The following ZNF248 variants were observed in gnomAD, a reference collection of about 807,000 sequenced individuals.
ZNF248 encodes the protein zinc finger protein 248, also known as KRAB protein domain.
A neutral mutation model predicts 44.3 loss-of-function variants in ZNF248; 20 were observed. The ratio of observed to expected loss-of-function variants is 0.45; its 90% CI spans 0.32 to 0.66. The LOEUF is 0.66. Ranked by LOEUF, ZNF248 falls within the 30% of genes least tolerant of loss-of-function variation. The pLI, the probability that ZNF248 is intolerant of heterozygous loss-of-function variation, is 0.04. For missense variants in ZNF248, 654 were observed against 677.0 expected, an observed-to-expected ratio of 0.97 and a Z score of 0.38; for synonymous variants, 224 against 229.0, an observed-to-expected ratio of 0.98 and a Z score of 0.20.
intron 6 of ZNF248, chr10:37,820,603 T>A (rs2053307574): frequency 6.3e-7 from 1 of 1,587,448 alleles, no homozygotes; most frequent in Non-Finnish European, 8.6e-7. Context: ...TAATTTTACG[T>A]CCCCCAGCAG....
chr10:37,817,432 T>A (rs1057130648), intron 6 of ZNF248, among the ~76,000 whole-genome samples: 3 of 152,058 alleles, frequency 2.0e-5, no homozygotes, highest in Non-Finnish European at 4.4e-5. Flanking sequence ...GTATTCAAAT[T>A]GTGAAGAAAT....
chr10:37,832,068 T>C lies in ZNF248; in HGVS notation c.1287A>G (p.Thr429=), dbSNP rs770510984. 4 of 1,613,822 alleles carry C rather than the reference T, an allele frequency of 2.5e-6. No individual in the cohort carries two copies. The highest frequency in any genetic ancestry group is 1.3e-5 in the African/African-American group (1 of 74,888). The change falls in exon 6 of 6, where the codon ACA becomes ACG. Residue 429 remains threonine, a synonymous_variant. Coordinates refer to ENST00000395867, the MANE Select transcript of ZNF248 (RefSeq NM_021045.3). The stretch of plus-strand genomic sequence containing the variant: ...ATTCATAGGGTTTTTCTCCTGTATG[T>C]GTTCGCTGATGGTTGGTCAGGTGTG... ...QKPHLTNHQR[T]HTGEKPYECK...
At chr10:37,766,873 T>TG in the ZNF248 span, among the ~76,000 whole-genome samples, 1 of 151,582 alleles carries the variant, frequency 6.6e-6, no homozygotes, top group African/African-American at 2.4e-5. Context: ...TTAAAAACTG[T>TG]GAAAAAAAAT....
chr10:37,829,630 A>T lies in ZNF248; in HGVS notation c.*1985T>A. ...GGTATAGAGAGCAGAGTAGCTCGGC[A>T]ACGTCACCTCTGAGCTGGCTTTTCC... On this transcript the variant is annotated 3_prime_UTR_variant, in exon 6 of 6. Transcript: ENST00000395867. 1.0e-6 allele frequency: 1 copy of T among 985,424 alleles called. No individual in the cohort carries two copies. Among genetic ancestry groups the T allele is most frequent in the Non-Finnish European group, 1.2e-6 (1 of 829,942 alleles). 61.0% of individuals were successfully genotyped at this position (985,424 alleles called of 1,614,324 possible). A position where few individuals can be genotyped will look rare whatever the true frequency, so the allele number is the denominator to read the frequency against.
At chr10:37,766,883 T>C in the ZNF248 span, among the ~76,000 whole-genome samples, 1 of 151,486 alleles carries the variant, frequency 6.6e-6, no homozygotes, top group Admixed American at 6.6e-5. Flanking sequence ...TGAAAAAAAA[T>C]TAGACGAATG....
At chr10:37,820,788 T>C in intron 6 of ZNF248, 1 of 1,163,882 alleles carries the variant, frequency 8.6e-7, no homozygotes, top group Admixed American at 1.7e-5. Flanking sequence ...TGATGTACTC[T>C]CCTTCATTTT....
intron 6 of ZNF248, among the ~76,000 whole-genome samples, chr10:37,780,872 T>C (rs2047224418): frequency 6.6e-6 from 1 of 151,974 alleles, no homozygotes; most frequent in African/African-American, 2.4e-5. Context: ...CGGAGTGGTG[T>C]ATAGAGCTGA....
downstream of ZNF248, among the ~76,000 whole-genome samples, chr10:37,772,889 C>A (rs556307357): frequency 6.6e-6 from 1 of 152,310 alleles, no homozygotes; most frequent in South Asian, 2.1e-4. Context: ...ACCAAATCTT[C>A]ACTTATAAAT....
intron 6 of ZNF248, chr10:37,819,201 T>C: frequency 1.2e-6 from 1 of 801,896 alleles, no homozygotes; most frequent in Non-Finnish European, 2.2e-6. Context: ...GCATTTACAG[T>C]CTGCATGATA....
intron 6 of ZNF248, among the ~76,000 whole-genome samples, chr10:37,815,898 A>C (rs1244649679): frequency 2.0e-5 from 3 of 151,246 alleles, no homozygotes; most frequent in Non-Finnish European, 4.4e-5. Context: ...CTGAGCCTGG[A>C]CCTTTTCCTG....
intron 6 of ZNF248, chr10:37,820,824 T>C: frequency 1.7e-6 from 2 of 1,182,630 alleles, no homozygotes; most frequent in South Asian, 1.2e-5. Flanking sequence ...ATTTTCCAAC[T>C]CTTGAATATT....
chr10:37,792,748 A>G (rs1010304135), intron 6 of ZNF248, among the ~76,000 whole-genome samples: 1 of 152,202 alleles, frequency 6.6e-6, no homozygotes, highest in African/African-American at 2.4e-5. Flanking sequence ...ATTGAAAGAC[A>G]TTCTACAAAA....
rs192401406 is a variant in ZNF248, at chr10:37,793,948, T to C, written c.331-17373A>G. On this transcript the variant is annotated intron_variant, in intron 6 of 6. Coordinates refer to the ZNF248 transcript ENST00000615949. ...AGATGTATAATTTTTTTAAATCTTG[T>C]CAAATGTTAATACCAACTGTCCATA... 2.4e-4 allele frequency among the ~76,000 whole-genome samples: 37 copies of C among 152,314 alleles called. No homozygotes were observed. In the East Asian group the frequency reaches 6.0e-3, roughly 25 times the overall value.
intron 3 of ZNF248, among the ~76,000 whole-genome samples, chr10:37,851,995 C>A (rs1470081317): frequency 6.6e-6 from 1 of 152,048 alleles, no homozygotes; most frequent in East Asian, 1.9e-4. Flanking sequence ...CGTCTGTATT[C>A]CCAGCACTCT....
intron 3 of ZNF248, among the ~76,000 whole-genome samples, chr10:37,843,446 A>C (rs2058725112): frequency 1.3e-5 from 2 of 151,882 alleles, no homozygotes; most frequent in Non-Finnish European, 2.9e-5. Context: ...AAAAGAAAAA[A>C]AGAAAAACAG....
chr10:37,807,364 C>T (rs193174341), intron 6 of ZNF248, among the ~76,000 whole-genome samples: 4 of 152,188 alleles, frequency 2.6e-5, no homozygotes, highest in Admixed American at 2.0e-4. Flanking sequence ...GGGTGCGAGA[C>T]CTCCAATGTT....
chr10:37,818,009 G>A (rs1461605876), intron 6 of ZNF248, among the ~76,000 whole-genome samples: 7 of 151,984 alleles, frequency 4.6e-5, no homozygotes, highest in Middle Eastern at 3.2e-3. Context: ...TCCGCCTCTC[G>A]GGTTCACGAC....
intron 3 of ZNF248, among the ~76,000 whole-genome samples, chr10:37,854,677 G>C (rs1332955746): frequency 2.0e-5 from 3 of 152,196 alleles, no homozygotes; most frequent in Non-Finnish European, 2.9e-5. Context: ...AGCTGATCAA[G>C]TTCTGGGAAT....
At chr10:37,763,010 C>A in the ZNF248 span, among the ~76,000 whole-genome samples, 2,710 of 152,162 alleles carry the variant, frequency 0.018, 69 homozygotes, top group Non-Finnish European at 0.02. Context: ...AGCTCAATAA[C>A]AATGGTCATT....
Sources: allele counts gnomAD v4.1 joint callset (sites outside exome capture counted in the v4.1 genomes callset), GRCh38; gene constraint gnomAD v4.1.1; transcripts MANE v1.5; gene names NCBI Gene and HGNC (gene_info 2026-07-23, HGNC 2026-07-21).